The following BACH2 variants were observed in gnomAD, a reference collection of about 807,000 sequenced individuals.
BACH2 encodes transcription regulator protein BACH2.
BACH2 carries 5 observed loss-of-function variants against 61.8 expected under a neutral mutation model. The ratio of observed to expected loss-of-function variants is 0.08; its 90% CI spans 0.04 to 0.17. The LOEUF is 0.17. Ranked by LOEUF, BACH2 falls within the 10% of genes least tolerant of loss-of-function variation. BACH2 has a pLI of 1.00. For synonymous variants in BACH2, 446 were observed against 440.1 expected (o/e 1.01, Z -0.17); for missense variants, 824 against 1,091.1 (o/e 0.76, Z 3.45).
chr6:89,963,437 G>A (rs1774868499), intron 6 of BACH2, among the ~76,000 whole-genome samples: 1 of 152,082 alleles, frequency 6.6e-6, no homozygotes, highest in Admixed American at 6.5e-5. Context: ...GGGACAGGAG[G>A]CACATACCGT....
chr6:90,057,245 A>G (rs913659794), intron 5 of BACH2, among the ~76,000 whole-genome samples: 1 of 152,212 alleles, frequency 6.6e-6, no homozygotes, highest in African/African-American at 2.4e-5. Flanking sequence ...TCAAGAAGAA[A>G]AGAGAGAAGA....
In BACH2 at chr6:90,092,280, T is replaced by TAAAAAAAAAAAAAAAAA. The variant is rs200675044; in HGVS notation, c.-161-3172_-161-3171insTTTTTTTTTTTTTTTTT. On this transcript the variant is annotated intron_variant, in intron 4 of 8. Coordinates refer to ENST00000257749, the MANE Select transcript of BACH2 (RefSeq NM_021813.4). ...CTGTGCAATTGGCACACTGTCAAAG[T>TAAAAAAAAAAAAAAAAA]AAAAAAAAAAAATATATATATATAT... is the stretch of plus-strand genomic sequence containing the variant. Among the ~76,000 whole-genome samples the TAAAAAAAAAAAAAAAAA allele has an allele frequency of 1.5e-3, 116 of 76,616 alleles. 7 individuals are homozygous for TAAAAAAAAAAAAAAAAA. The highest frequency in any genetic ancestry group is 6.7e-3 in the African/African-American group (105 of 15,754). The allele number at this position is 76,616 out of a possible 152,430, so 50.3% of individuals were successfully genotyped here. A position where few individuals can be genotyped will look rare whatever the true frequency, so the allele number is the denominator to read the frequency against.
intron 6 of BACH2, among the ~76,000 whole-genome samples, chr6:90,004,985 A>T (rs931773154): frequency 2.0e-4 from 30 of 151,822 alleles, no homozygotes; most frequent in Non-Finnish European, 3.5e-4. Context: ...GTTTTTTTTT[A>T]AAAACGCAAG....
At chr6:90,239,397 T>C (rs560403290) in intron 3 of BACH2, among the ~76,000 whole-genome samples, 2 of 152,200 alleles carry the variant, frequency 1.3e-5, no homozygotes, top group African/African-American at 2.4e-5. Context: ...ATGAACTTTC[T>C]GTTTGAAGGT....
chr6:89,959,731 G>A (rs976119429), intron 6 of BACH2, among the ~76,000 whole-genome samples: 8 of 152,138 alleles, frequency 5.3e-5, no homozygotes, highest in African/African-American at 1.9e-4. Flanking sequence ...ATTTTAGTTT[G>A]ATGTTGTAAA....
At chr6:90,006,077 AAACTTT>A (rs1334813427) in intron 6 of BACH2, among the ~76,000 whole-genome samples, 2 of 152,216 alleles carry the variant, frequency 1.3e-5, no homozygotes, top group Non-Finnish European at 2.9e-5. Flanking sequence ...ATCTAAAAAG[AAACTTT>A]AAGGTTATGT....
intron 6 of BACH2, among the ~76,000 whole-genome samples, chr6:89,962,778 T>TG (rs1774822196): frequency 1.3e-5 from 2 of 152,206 alleles, no homozygotes; most frequent in Non-Finnish European, 1.5e-5. Flanking sequence ...GAAGAAAACA[T>TG]GGGGGAAAAG....
At chr6:89,936,987 T>C (rs1432733838) in intron 8 of BACH2, among the ~76,000 whole-genome samples, 1 of 151,854 alleles carries the variant, frequency 6.6e-6, no homozygotes, top group African/African-American at 2.4e-5. Flanking sequence ...TGAAGGAGGT[T>C]GAGTTGGTTG....
At chr6:90,163,101 A>T (rs1383137105) in intron 4 of BACH2, among the ~76,000 whole-genome samples, 3 of 152,236 alleles carry the variant, frequency 2.0e-5, no homozygotes, top group Non-Finnish European at 2.9e-5. Context: ...TCTAAAGATG[A>T]TGCATACAAA....
intron 6 of BACH2, among the ~76,000 whole-genome samples, chr6:89,962,136 C>T (rs1269886556): frequency 1.3e-5 from 2 of 152,228 alleles, no homozygotes; most frequent in African/African-American, 4.8e-5. Flanking sequence ...CTTAGCTCCA[C>T]AGTCCCTGAA....
At chr6:90,014,408 A>T in intron 5 of BACH2, among the ~76,000 whole-genome samples, 1 of 110,836 alleles carries the variant, frequency 9.0e-6, no homozygotes, top group Non-Finnish European at 1.8e-5. Flanking sequence ...TGTCAAATTT[A>T]TTGGCATAAA....
At chr6:90,255,831 G>A (rs143286195) in intron 2 of BACH2, among the ~76,000 whole-genome samples, 7 of 152,210 alleles carry the variant, frequency 4.6e-5, no homozygotes, top group Non-Finnish European at 5.9e-5. Context: ...CCGACTGAAG[G>A]GTCCAACGTG....
chr6:90,069,281 G>GC (rs1781111975), intron 5 of BACH2, among the ~76,000 whole-genome samples: 1 of 152,210 alleles, frequency 6.6e-6, no homozygotes, highest in African/African-American at 2.4e-5. Context: ...TATCCGGATG[G>GC]CAGTGTTCCA....
At chr6:90,238,148 C>T (rs17513415) in intron 3 of BACH2, among the ~76,000 whole-genome samples, 37,486 of 152,106 alleles carry the variant, frequency 0.25, 5,539 homozygotes, top group Non-Finnish European at 0.34. Flanking sequence ...ATACTCTATA[C>T]GAAGCTAAAG....
intron 4 of BACH2, among the ~76,000 whole-genome samples, chr6:90,129,806 C>T (rs567630344): frequency 1.4e-3 from 209 of 152,148 alleles, no homozygotes; most frequent in African/African-American, 4.6e-3. Flanking sequence ...GATTTTTGCA[C>T]ATTGATTTTG....
At chr6:90,144,896 T>C (rs975798742) in intron 4 of BACH2, among the ~76,000 whole-genome samples, 1 of 152,160 alleles carries the variant, frequency 6.6e-6, no homozygotes, top group African/African-American at 2.4e-5. Context: ...AACCAACTTC[T>C]CTTCCATTTA....
chr6:90,182,813 C>T (rs76243792), intron 4 of BACH2, among the ~76,000 whole-genome samples: 2,730 of 152,262 alleles, frequency 0.018, 50 homozygotes, highest in East Asian at 0.069. Flanking sequence ...TCTTCACTCT[C>T]GCCTTTCCCC....
chr6:90,183,629 T>C (rs181490486), intron 4 of BACH2, among the ~76,000 whole-genome samples: 1 of 152,350 alleles, frequency 6.6e-6, no homozygotes, highest in East Asian at 1.9e-4. Context: ...CACCCTCAGA[T>C]TTCAGGAAGA....
intron 5 of BACH2, among the ~76,000 whole-genome samples, chr6:90,016,349 T>A (rs1778058266): frequency 6.6e-6 from 1 of 152,254 alleles, no homozygotes; most frequent in African/African-American, 2.4e-5. Context: ...CTTCATCTTC[T>A]GACTCTCTGT....
Sources: gnomAD v4.1 joint callset for allele counts (sites outside exome capture counted in the v4.1 genomes callset) on GRCh38, gnomAD v4.1.1 for gene constraint, MANE v1.5 for transcripts, NCBI Gene and HGNC (gene_info 2026-07-23, HGNC 2026-07-21) for gene names.